The following MTHFD2L variants were observed in gnomAD, a reference collection of about 807,000 sequenced individuals.
MTHFD2L encodes the protein methylenetetrahydrofolate dehydrogenase (NADP+ dependent) 2 like, also known as bifunctional methylenetetrahydrofolate dehydrogenase/cyclohydrolase 2, mitochondrial.
In MTHFD2L, 29 loss-of-function variants were observed where a neutral mutation model predicts 34.9. That is an observed-to-expected ratio of 0.83 (90% CI 0.62 to 1.13). The LOEUF is 1.13. Ranked by LOEUF, MTHFD2L falls within the 50% of genes most tolerant of loss-of-function variation. MTHFD2L has a pLI of 0.00. For missense variants in MTHFD2L, 481 were observed against 446.5 expected, an observed-to-expected ratio of 1.08 and a Z score of -0.70; for synonymous variants, 167 against 155.7, an observed-to-expected ratio of 1.07 and a Z score of -0.54.
intron 6 of MTHFD2L, chr4:74,268,073 A>G: frequency 1.0e-6 from 1 of 985,086 alleles, no homozygotes; most frequent in Non-Finnish European, 1.2e-6. Context: ...GAGAAAAGAA[A>G]AAGAACAGGA....
chr4:74,163,988 G>T (rs1277495505), intron 1 of MTHFD2L, among the ~76,000 whole-genome samples: 3 of 152,152 alleles, frequency 2.0e-5, no homozygotes, highest in Admixed American at 6.5e-5. Flanking sequence ...CCATTCTCCT[G>T]CCTCAGTCTC....
upstream of MTHFD2L, among the ~76,000 whole-genome samples, chr4:74,155,727 T>C (rs948506222): frequency 1.3e-5 from 2 of 152,124 alleles, no homozygotes; most frequent in African/African-American, 4.8e-5. Flanking sequence ...ATAGAATCTT[T>C]GTTGATAAAA....
chr4:74,281,256 T>C (rs1747425887), intron 6 of MTHFD2L, among the ~76,000 whole-genome samples, 169 bp from the exon 7 acceptor site: 1 of 152,106 alleles, frequency 6.6e-6, no homozygotes, highest in Non-Finnish European at 1.5e-5. Flanking sequence ...GCCTTAATCA[T>C]CTTTGTTATT....
At chr4:74,286,573 A>C (rs2110293785) in intron 7 of MTHFD2L, among the ~76,000 whole-genome samples, 1 of 152,296 alleles carries the variant, frequency 6.6e-6, no homozygotes, top group East Asian at 1.9e-4. Context: ...TACCGTTCTT[A>C]ATTCATCAAA....
chr4:74,254,086 G>A (rs764560025), intron 6 of MTHFD2L, among the ~76,000 whole-genome samples: 7 of 152,150 alleles, frequency 4.6e-5, no homozygotes, highest in Admixed American at 1.3e-4. Context: ...ATTTGGGGAC[G>A]TCTAGAAGAA....
intron 6 of MTHFD2L, among the ~76,000 whole-genome samples, chr4:74,265,800 G>A (rs1272108499): frequency 6.6e-6 from 1 of 152,152 alleles, no homozygotes; most frequent in Non-Finnish European, 1.5e-5. Flanking sequence ...GATTTGCTAA[G>A]CTTAATATTC....
intron 6 of MTHFD2L, among the ~76,000 whole-genome samples, chr4:74,251,893 A>G (rs532833744): frequency 6.6e-6 from 1 of 152,358 alleles, no homozygotes; most frequent in South Asian, 2.1e-4. Flanking sequence ...AGGTCTCTGT[A>G]GACTAGAATA....
At chr4:74,272,428 CT>C (rs1386969313) in intron 6 of MTHFD2L, among the ~76,000 whole-genome samples, 7 of 152,202 alleles carry the variant, frequency 4.6e-5, no homozygotes, top group Admixed American at 3.3e-4. Flanking sequence ...GAAATTTCTC[CT>C]TGTGAATTTA....
chr4:74,131,919 G>A (rs1470485736), intron 1 of MTHFD2L, among the ~76,000 whole-genome samples: 1 of 152,080 alleles, frequency 6.6e-6, no homozygotes. Flanking sequence ...TCAAAAAGTG[G>A]GTGAAGGATG....
chr4:74,238,276 G>A (rs72654810), intron 6 of MTHFD2L, among the ~76,000 whole-genome samples: 2,636 of 152,244 alleles, frequency 0.017, 25 homozygotes, highest in Middle Eastern at 0.041. Flanking sequence ...GAGAAGGAAG[G>A]AATGTGTATT....
At chr4:74,119,306 C>T (rs1466963317), upstream of MTHFD2L, among the ~76,000 whole-genome samples, 1 of 152,160 alleles carries the variant, frequency 6.6e-6, no homozygotes, top group Non-Finnish European at 1.5e-5. Flanking sequence ...TTTGTCACTT[C>T]CATCCGCACC....
rs1578764571 is a variant in MTHFD2L, at chr4:74,299,196, G to A, written c.932-2501G>A. Among the ~76,000 whole-genome samples, 4 of 151,670 alleles carry A rather than the reference G, an allele frequency of 2.6e-5. 1 individual carries two copies. Among genetic ancestry groups the A allele is most frequent in the Admixed American group, 2.6e-4 (4 of 15,194 alleles). ...AAATTGTATGCCACTTTTAAATTTT[G>A]AAATAAATCATTTTGTTTTCCATTG... On this transcript the variant is annotated intron_variant, in intron 7 of 7. Coordinates refer to ENST00000325278, the MANE Select transcript of MTHFD2L (RefSeq NM_001144978.3).
chr4:74,186,496 G>A, intron 3 of MTHFD2L, among the ~76,000 whole-genome samples: 1 of 143,392 alleles, frequency 7.0e-6, no homozygotes, highest in Admixed American at 7.1e-5. Context: ...TAGCAAGATT[G>A]AAGGATACAA....
intron 6 of MTHFD2L, among the ~76,000 whole-genome samples, chr4:74,232,020 GTATTC>G (rs1740143475): frequency 6.6e-6 from 1 of 152,164 alleles, no homozygotes; most frequent in South Asian, 2.1e-4. Flanking sequence ...ATGTGTTAAT[GTATTC>G]TATGTTAGGC....
intron 1 of MTHFD2L, chr4:74,140,679 T>C: frequency 2.4e-6 from 1 of 413,518 alleles, no homozygotes; most frequent in Non-Finnish European, 3.3e-6. Context: ...TGACCCACAG[T>C]TCCACAGGGC....
At chr4:74,245,709 T>A (rs1284726886) in intron 6 of MTHFD2L, among the ~76,000 whole-genome samples, 2 of 152,108 alleles carry the variant, frequency 1.3e-5, no homozygotes, top group Non-Finnish European at 2.9e-5. Context: ...TTCCCATCTA[T>A]GAGTGAGAAC....
intron 1 of MTHFD2L, among the ~76,000 whole-genome samples, chr4:74,129,299 C>T (rs1341199226): frequency 6.6e-6 from 1 of 152,110 alleles, no homozygotes; most frequent in Non-Finnish European, 1.5e-5. Context: ...ACATTCTTCT[C>T]AGCCCCACAT....
intron 3 of MTHFD2L, 41 bp downstream of exon 3, chr4:74,175,444 T>G: frequency 6.4e-7 from 1 of 1,571,728 alleles, no homozygotes; most frequent in Non-Finnish European, 8.6e-7. Flanking sequence ...TTGTTAAAAG[T>G]GAAACAAAGG....
chr4:74,165,815 T>G (rs774964024), intron 1 of MTHFD2L, among the ~76,000 whole-genome samples: 3 of 152,214 alleles, frequency 2.0e-5, no homozygotes, highest in Non-Finnish European at 4.4e-5. Flanking sequence ...AATTCTACAT[T>G]TTGCACATTG....
Sources: gnomAD v4.1 joint callset for allele counts (sites outside exome capture counted in the v4.1 genomes callset) on GRCh38, gnomAD v4.1.1 for gene constraint, MANE v1.5 for transcripts, NCBI Gene and HGNC (gene_info 2026-07-23, HGNC 2026-07-21) for gene names.